Variants in ITIH5 observed in about 807,000 individuals in gnomAD.
The protein encoded by ITIH5 is inter-alpha-trypsin inhibitor heavy chain 5, also known as inter-alpha-trypsin inhibitor heavy chain H5.
Under a neutral mutation model 77.5 loss-of-function variants are expected in ITIH5, and 65 were observed. That is an observed-to-expected ratio of 0.84 (90% CI 0.69 to 1.03). The LOEUF is 1.03. Ranked by LOEUF, ITIH5 falls within the 50% of genes least tolerant of loss-of-function variation. The pLI, the probability that ITIH5 is intolerant of heterozygous loss-of-function variation, is 0.00. For synonymous variants in ITIH5, 525 were observed against 494.3 expected, an observed-to-expected ratio of 1.06 and a Z score of -0.82; for missense variants, 1,208 against 1,213.1, an observed-to-expected ratio of 1.00 and a Z score of 0.06.
chr10:7,592,891 G>C (rs928920175), intron 7 of ITIH5, among the ~76,000 whole-genome samples: 1 of 152,046 alleles, frequency 6.6e-6, no homozygotes. Context: ...TGGTGGGGCA[G>C]TGCTGGGGTG....
At chr10:7,563,470 A>G (rs529180522) in intron 13 of ITIH5, 86 bp from the exon 14 acceptor site, 1 of 1,259,554 alleles carries the variant, frequency 7.9e-7, no homozygotes, top group African/African-American at 1.5e-5. Flanking sequence ...CAGTGGCAGA[A>G]AGGCTTACAA....
intron 7 of ITIH5, among the ~76,000 whole-genome samples, chr10:7,614,117 T>C (rs960916721): frequency 2.6e-5 from 4 of 152,058 alleles, no homozygotes; most frequent in African/African-American, 7.2e-5. Context: ...AAAAGTAAAA[T>C]AAATCATTTT....
chr10:7,606,772 T>C (rs1833134106), intron 7 of ITIH5, among the ~76,000 whole-genome samples: 1 of 152,202 alleles, frequency 6.6e-6, no homozygotes, highest in South Asian at 2.1e-4. Flanking sequence ...TAGGACCTCA[T>C]TTTACCTCTA....
chr10:7,666,697 G>A, intron 1 of ITIH5, 106 bp downstream of exon 1: 1 of 813,756 alleles, frequency 1.2e-6, no homozygotes, highest in Non-Finnish European at 1.9e-6. Flanking sequence ...TCTGGTGGGG[G>A]CCTGGGAGAC....
chr10:7,663,561 T>G (rs189728281), intron 1 of ITIH5, among the ~76,000 whole-genome samples: 1 of 152,344 alleles, frequency 6.6e-6, no homozygotes, highest in East Asian at 1.9e-4. Flanking sequence ...TCTTTATCTT[T>G]CTAAATAAAT....
At chr10:7,664,601 T>G (rs888429427) in intron 1 of ITIH5, among the ~76,000 whole-genome samples, 2 of 152,092 alleles carry the variant, frequency 1.3e-5, no homozygotes, top group African/African-American at 2.4e-5. Flanking sequence ...GGTTACTGAG[T>G]ACCCACTGTC....
intron 1 of ITIH5, among the ~76,000 whole-genome samples, chr10:7,661,632 A>G (rs1233837874): frequency 1.3e-5 from 2 of 152,232 alleles, no homozygotes; most frequent in African/African-American, 4.8e-5. Context: ...TGGGATGCCT[A>G]TCACCTTGGT....
chr10:7,595,205 C>T (rs942949762), intron 7 of ITIH5, among the ~76,000 whole-genome samples: 23 of 151,824 alleles, frequency 1.5e-4, no homozygotes, highest in Non-Finnish European at 2.2e-4. Flanking sequence ...GGCAACGGAG[C>T]GAGACCCTAG....
Position 7,666,790 on chromosome 10 carries a change from C to T in ITIH5, c.90+13G>A. ...GCCGCGCCCGGGACCCGGCTCCCCT[C>T]GGCTCCACTTACCTGCTCCGAAGAG... On this transcript the variant is annotated intron_variant, in intron 1 of 13. Transcript: ENST00000397146. The T allele has an allele frequency of 6.3e-7, 1 of 1,599,870 alleles. No individual in the cohort carries two copies.
chr10:7,624,827 GTATATACA>G (rs1402178717), intron 5 of ITIH5, among the ~76,000 whole-genome samples: 3 of 130,712 alleles, frequency 2.3e-5, no homozygotes, highest in Admixed American at 7.7e-5. Context: ...ATATATATGT[GTATATACA>G]TGTATATACA....
chr10:7,632,157 T>C (rs1280124577), intron 5 of ITIH5, among the ~76,000 whole-genome samples: 2 of 152,162 alleles, frequency 1.3e-5, no homozygotes, highest in Non-Finnish European at 2.9e-5. Context: ...TAGTTAATAT[T>C]CCTAAGGTCT....
intron 7 of ITIH5, among the ~76,000 whole-genome samples, chr10:7,606,325 C>G (rs1162346951): frequency 2.6e-5 from 4 of 152,140 alleles, no homozygotes; most frequent in Non-Finnish European, 5.9e-5. Context: ...CAGCACTGTT[C>G]TCAAGACCAA....
intron 5 of ITIH5, among the ~76,000 whole-genome samples, chr10:7,622,956 G>A (rs1421580808): frequency 3.9e-5 from 6 of 152,212 alleles, no homozygotes; most frequent in Non-Finnish European, 5.9e-5. Flanking sequence ...TATAGCTTGT[G>A]CATCAGAGTT....
intron 2 of ITIH5, among the ~76,000 whole-genome samples, chr10:7,654,377 C>G (rs1158788397): frequency 6.6e-6 from 1 of 152,202 alleles, no homozygotes; most frequent in Non-Finnish European, 1.5e-5. Flanking sequence ...AATTTGCAAG[C>G]AGAGACTCTA....
intron 7 of ITIH5, among the ~76,000 whole-genome samples, chr10:7,587,021 G>A (rs945222122): frequency 6.6e-6 from 1 of 152,090 alleles, no homozygotes; most frequent in African/African-American, 2.4e-5. Flanking sequence ...GTAGAGACAG[G>A]GTTTCACCAT....
chr10:7,643,359 C>G (rs144582439), intron 2 of ITIH5, among the ~76,000 whole-genome samples: 4 of 152,152 alleles, frequency 2.6e-5, no homozygotes, highest in Non-Finnish European at 5.9e-5. Flanking sequence ...TGAAGACATA[C>G]GCAGTAGGTG....
At chr10:7,636,677 A>C (rs1442667594) in intron 5 of ITIH5, among the ~76,000 whole-genome samples, 1 of 152,118 alleles carries the variant, frequency 6.6e-6, no homozygotes, top group Non-Finnish European at 1.5e-5. Flanking sequence ...CCTAGGATAG[A>C]TTTCCAGAAG....
chr10:7,652,329 G>A (rs1834114699), intron 2 of ITIH5, among the ~76,000 whole-genome samples: 1 of 152,148 alleles, frequency 6.6e-6, no homozygotes, highest in African/African-American at 2.4e-5. Context: ...GAGATGGCAA[G>A]AATGCAGGCT....
intron 7 of ITIH5, among the ~76,000 whole-genome samples, chr10:7,586,852 A>G (rs1832689767): frequency 1.3e-5 from 2 of 150,934 alleles, no homozygotes; most frequent in African/African-American, 4.9e-5. Flanking sequence ...TTTTTTTCAT[A>G]CAAACTCTCG....
Sources: allele counts gnomAD v4.1 joint callset (sites outside exome capture counted in the v4.1 genomes callset), GRCh38; gene constraint gnomAD v4.1.1; transcripts MANE v1.5; gene names NCBI Gene and HGNC (gene_info 2026-07-23, HGNC 2026-07-21).